ITPR3: variants seen among roughly 807,000 people sequenced by gnomAD.
ITPR3 encodes the protein inositol 1,4,5-trisphosphate receptor type 3, also known as inositol 1,4,5-trisphosphate-gated calcium channel ITPR3.
In ITPR3, 173 loss-of-function variants were observed where a neutral mutation model predicts 293.2. The observed-to-expected ratio is 0.59, with a 90% CI of 0.52 to 0.67. The LOEUF (loss-of-function observed/expected upper bound fraction) is 0.67, where lower values mean the gene tolerates loss of function less well. Among genes scored for constraint, ITPR3 ranks in the 30% least tolerant of loss-of-function variants. ITPR3 has a pLI of 0.00. For synonymous variants in ITPR3, 1,295 were observed against 1,444.4 expected (o/e 0.90, Z 2.35); for missense variants, 2,796 against 3,592.1 (o/e 0.78, Z 5.66).
Position 33,679,390 on chromosome 6 carries a change from G to A in ITPR3, c.3973-492G>A, listed in dbSNP as rs1403667544. On this transcript the variant is annotated intron_variant, in intron 30 of 57. Coordinates refer to ENST00000605930, the MANE Select transcript of ITPR3 (RefSeq NM_002224.4). The surrounding 1 kb of genome is among the most constrained non-coding windows in gnomAD (Gnocchi z 4.2). The stretch of plus-strand genomic sequence containing the variant: ...TCTGACAGTGTAGGCGGCAGGGGGA[G>A]AAAGAAGCAAACACTGAAGGGAGAT... 5.3e-5 allele frequency among the ~76,000 whole-genome samples: 8 copies of A among 152,206 alleles called. No individual in the cohort carries two copies. The South Asian group carries it at 1.4e-3, about 28-fold the overall frequency.
In ITPR3 at chr6:33,633,402, C is replaced by T. The variant is rs867172217; in HGVS notation, c.90-7082C>T. On this transcript the variant is annotated intron_variant, in intron 1 of 57. Coordinates refer to ENST00000605930, the MANE Select transcript of ITPR3 (RefSeq NM_002224.4). The surrounding 1 kb of genome is among the most constrained non-coding windows in gnomAD (Gnocchi z 5.2). The stretch of plus-strand genomic sequence containing the variant: ...GGCTCTGGTTTCAGCGCCCGGTGCG[C>T]ACTCAGCAGGGCACCTGTGGTCCGG... Among the ~76,000 whole-genome samples the T allele has an allele frequency of 2.6e-5, 4 of 152,300 alleles. No homozygotes were observed. The highest frequency in any genetic ancestry group is 3.4e-3 in the Middle Eastern group (1 of 294).
rs551611676 is a variant in ITPR3 at position 33,668,296 on chromosome 6, G to A, written c.1887-219G>A. Among the ~76,000 whole-genome samples the A allele has an allele frequency of 3.9e-5, 6 of 152,224 alleles. No homozygotes were observed. The East Asian group carries it at 7.7e-4, about 20-fold the overall frequency. The stretch of plus-strand genomic sequence containing the variant: ...GCCCTTGCGCTTCCTCACCCTGTCC[G>A]TCTGAACCCCCATCTAGCCTTCCCG... On this transcript the variant is annotated intron_variant, in intron 16 of 57. Transcript: ENST00000605930.
At chr6:33,636,352 C>G (rs1763824379) in intron 1 of ITPR3, among the ~76,000 whole-genome samples, 1 of 151,820 alleles carries the variant, frequency 6.6e-6, no homozygotes, top group Non-Finnish European at 1.5e-5. Context: ...GGGAAATAGG[C>G]TGAAGGGAGT....
Position 33,685,777 on chromosome 6 carries a change from A to G in ITPR3, c.5617A>G (p.Ile1873Val), listed in dbSNP as rs967128309. The change falls in exon 41 of 58, where the codon ATC becomes GTC. Residue 1873 changes from isoleucine to valine, a missense_variant. Physicochemically the swap from Ile to Val is conservative, Grantham distance 29 (BLOSUM62 3). Transcript: ENST00000605930. Reference protein sequence around the residue: ...MGTSVLIMQPILRFLQLLCEN... With the variant: ...MGTSVLIMQPVLRFLQLLCEN... The stretch of plus-strand genomic sequence containing the variant: ...CACATCCGTGCTCATCATGCAGCCC[A>G]TCCTGCGCTTTCTGCAGCTGCTGTG... 11 of 1,594,698 alleles carry G rather than the reference A, an allele frequency of 6.9e-6. No individual in the cohort carries two copies. Among genetic ancestry groups the G allele is most frequent in the Non-Finnish European group, 7.7e-6 (9 of 1,167,978 alleles).
Position 33,687,593 on chromosome 6 carries a change from G to GGGTT in ITPR3, c.6264+32_6264+33insTGGT. 6.6e-7 allele frequency: 1 copy of GGGTT among 1,522,640 alleles called. No homozygotes were observed. The highest frequency in any genetic ancestry group is 9.0e-7 in the Non-Finnish European group (1 of 1,117,310). 94.3% of individuals were successfully genotyped at this position (1,522,640 alleles called of 1,614,324 possible). ...GGTGCTGGCCCCGAGACTGGGGTGG[G>GGGTT]GGTGGGGCCTGGAACCCAGGGAGGA... On this transcript the variant is annotated intron_variant, in intron 46 of 57. Transcript: ENST00000605930. This position sits in a 1 kb window ranked among gnomAD's most constrained non-coding sequence, Gnocchi z 5.3.
rs1162569178 is a variant in ITPR3 at position 33,621,421 on chromosome 6, G to C, written c.-182G>C. On this transcript the variant is annotated 5_prime_UTR_variant, in exon 1 of 58. Transcript: ENST00000605930. The surrounding 1 kb of genome is among the most constrained non-coding windows in gnomAD (Gnocchi z 7.7). ...GTGGGCACCTCCTCACCCGGACCCC[G>C]GGCCCCGCCGAGCCGCCTCCTGGCT... 6.9e-6 allele frequency: 3 copies of C among 437,574 alleles called. No individual in the cohort carries two copies. Among genetic ancestry groups the C allele is most frequent in the Non-Finnish European group, 1.2e-5 (3 of 247,000 alleles). 27.1% of individuals were successfully genotyped at this position (437,574 alleles called of 1,614,324 possible). A position where few individuals can be genotyped will look rare whatever the true frequency, so the allele number is the denominator to read the frequency against.
chr6:33,635,165 T>C (rs1763789174), intron 1 of ITPR3, among the ~76,000 whole-genome samples: 1 of 152,220 alleles, frequency 6.6e-6, no homozygotes, highest in Non-Finnish European at 1.5e-5. Flanking sequence ...CTATGAATTA[T>C]TCAAGGCTCT....
At chr6:33,635,686 C>T (rs954184338) in intron 1 of ITPR3, among the ~76,000 whole-genome samples, 2 of 152,064 alleles carry the variant, frequency 1.3e-5, no homozygotes, top group African/African-American at 4.8e-5. Flanking sequence ...AGAGGGTCTC[C>T]AGTCTCCATG....
intron 40 of ITPR3, 28 bp downstream of exon 40, chr6:33,685,561 G>C: frequency 6.2e-7 from 1 of 1,604,630 alleles, no homozygotes; most frequent in African/African-American, 1.3e-5. Context: ...GAGGCACGGC[G>C]TGACGGGGAT....
intron 3 of ITPR3, among the ~76,000 whole-genome samples, chr6:33,656,877 G>A (rs1246880851): frequency 6.6e-6 from 1 of 152,250 alleles, no homozygotes; most frequent in African/African-American, 2.4e-5. Flanking sequence ...GCGCCTTATA[G>A]CTGTGGACTG....
intron 1 of ITPR3, among the ~76,000 whole-genome samples, chr6:33,630,764 G>A (rs183291726): frequency 6.6e-6 from 1 of 152,306 alleles, no homozygotes; most frequent in Admixed American, 6.5e-5. Context: ...TGGGTTCTCT[G>A]CGTGTGCGGC....
rs2151280899 is a variant in ITPR3, at chr6:33,632,067, T to C, written c.90-8417T>C. Reference sequence around the variant, plus strand: ...ATACTGAAACAGTTTGTGCCTTCAGTCTCTTGCCTTGGCACCTGGGTAATC... The same window carrying C: ...ATACTGAAACAGTTTGTGCCTTCAGCCTCTTGCCTTGGCACCTGGGTAATC... On this transcript the variant is annotated intron_variant, in intron 1 of 57. Coordinates refer to ENST00000605930, the MANE Select transcript of ITPR3 (RefSeq NM_002224.4). This position sits in a 1 kb window ranked among gnomAD's most constrained non-coding sequence, Gnocchi z 4.1. 6.6e-6 allele frequency among the ~76,000 whole-genome samples: 1 copy of C among 152,324 alleles called. No individual in the cohort carries two copies. The highest frequency in any genetic ancestry group is 1.5e-5 in the Non-Finnish European group (1 of 68,018).
At chr6:33,627,509 G>A (rs1763574882) in intron 1 of ITPR3, among the ~76,000 whole-genome samples, 1 of 152,226 alleles carries the variant, frequency 6.6e-6, no homozygotes, top group South Asian at 2.1e-4. Context: ...AGCAACTCTA[G>A]TATTCAACAT....
chr6:33,678,609 T>G (rs1764978306), intron 29 of ITPR3, 30 bp from the exon 30 acceptor site: 1 of 1,596,902 alleles, frequency 6.3e-7, no homozygotes, highest in Non-Finnish European at 8.5e-7. Flanking sequence ...GGGGCCCAGA[T>G]CTCTTTCTGA....
chr6:33,670,951 G>T lies in ITPR3; in HGVS notation c.2586+136G>T, dbSNP rs1187301263. 5.3e-6 allele frequency: 7 copies of T among 1,324,122 alleles called. No individual in the cohort carries two copies. Among genetic ancestry groups the T allele is most frequent in the African/African-American group, 2.9e-5 (2 of 68,606 alleles). 82.0% of individuals were successfully genotyped at this position (1,324,122 alleles called of 1,614,324 possible). A position where few individuals can be genotyped will look rare whatever the true frequency, so the allele number is the denominator to read the frequency against. On this transcript the variant is annotated intron_variant, in intron 20 of 57. Transcript: ENST00000605930. The surrounding 1 kb of genome is among the most constrained non-coding windows in gnomAD (Gnocchi z 6.7). ...TCTGTGTCCCCAGCCAGTGCAGGGG[G>T]ACCGCATAGAAGGCTGGGATTCTCC...
chr6:33,663,102 G>A, intron 9 of ITPR3, 96 bp downstream of exon 9: 5 of 1,028,622 alleles, frequency 4.9e-6, no homozygotes, highest in Non-Finnish European at 7.4e-6. Flanking sequence ...TGTGGCACAT[G>A]TGCCTATGGA....
rs1390603449 is a variant in ITPR3, at chr6:33,665,121, C to G, written c.1317C>G (p.Ile439Met). The G allele has an allele frequency of 3.7e-6, 6 of 1,614,194 alleles. No individual in the cohort carries two copies. Among genetic ancestry groups the G allele is most frequent in the Non-Finnish European group, 5.1e-6 (6 of 1,180,050 alleles). Residue 439 changes from isoleucine to methionine, a missense_variant, in exon 13 of 58, where the codon ATC becomes ATG. By Grantham distance (10) the Ile-to-Met change is conservative. This residue lies in a region of ITPR3 where 955 missense variants were observed against 1,180.8 expected (regional missense o/e 0.81). Transcript: ENST00000605930. ...TCGTGTCAGTGCCCGTGTCTGAGAT[C>G]CGAGACCTGGACTTTGCCAATGACG... ...FAIVSVPVSE[I>M]RDLDFANDAS...
At position 33,658,995 on chromosome 6, in the gene ITPR3, C is replaced by T. The variant is rs780531132; in HGVS notation, c.529-26C>T. On this transcript the variant is annotated intron_variant, in intron 5 of 57. Coordinates refer to ENST00000605930, the MANE Select transcript of ITPR3 (RefSeq NM_002224.4). This position sits in a 1 kb window ranked among gnomAD's most constrained non-coding sequence, Gnocchi z 6.1. ...GACAAGAGGGCCCTGCCCTTCCCAC[C>T]TAACCTGTCCCACCTGTCTGCTCAG... 2.7e-5 allele frequency: 44 copies of T among 1,613,152 alleles called. No homozygotes were observed. Among genetic ancestry groups the T allele is most frequent in the South Asian group, 1.8e-4 (16 of 91,056 alleles).
At chr6:33,634,854 G>A (rs765369147) in intron 1 of ITPR3, among the ~76,000 whole-genome samples, 1 of 152,112 alleles carries the variant, frequency 6.6e-6, no homozygotes, top group Non-Finnish European at 1.5e-5. Flanking sequence ...GAGGCGTGGA[G>A]GGGTCAGGGA....
Sources: allele counts gnomAD v4.1 joint callset (sites outside exome capture counted in the v4.1 genomes callset), GRCh38; gene constraint gnomAD v4.1.1; regional missense constraint gnomAD v4.1.1; non-coding constraint Gnocchi (gnomAD v3.1); transcripts MANE v1.5; gene names NCBI Gene and HGNC (gene_info 2026-07-23, HGNC 2026-07-21).